The following LUZP2 variants were observed in gnomAD, a reference collection of about 807,000 sequenced individuals.
LUZP2 encodes leucine zipper protein 2.
A neutral mutation model predicts 51.6 loss-of-function variants in LUZP2; 52 were observed. That is an observed-to-expected ratio of 1.01 (90% CI 0.81 to 1.27). The LOEUF (loss-of-function observed/expected upper bound fraction) is 1.27, where lower values mean the gene tolerates loss of function less well. Among genes scored for constraint, LUZP2 ranks in the 50% most tolerant of loss-of-function variants. The probability of loss-of-function intolerance (pLI) is 0.00; values close to 1 mark genes in which losing one functional copy is unlikely to be tolerated. For synonymous variants in LUZP2, 154 were observed against 137.3 expected (o/e 1.12, Z -0.85); for missense variants, 436 against 395.4 (o/e 1.10, Z -0.87).
intron 5 of LUZP2, among the ~76,000 whole-genome samples, chr11:24,866,523 CA>C: frequency 1.7e-5 from 1 of 57,714 alleles, no homozygotes; most frequent in Admixed American, 1.9e-4. Context: ...ATACATAAAA[CA>C]ACACTTTTTT....
intron 5 of LUZP2, among the ~76,000 whole-genome samples, chr11:24,897,605 C>T (rs937453278): frequency 1.3e-5 from 2 of 152,134 alleles, no homozygotes; most frequent in African/African-American, 4.8e-5. Flanking sequence ...AAGGAAGAAA[C>T]TCTGACCATG....
At chr11:24,902,817 A>C (rs1853321262) in intron 5 of LUZP2, among the ~76,000 whole-genome samples, 1 of 152,302 alleles carries the variant, frequency 6.6e-6, no homozygotes, top group African/African-American at 2.4e-5. Flanking sequence ...TATATCATTC[A>C]GATCAACATT....
intron 5 of LUZP2, among the ~76,000 whole-genome samples, chr11:24,866,781 C>T (rs1330467929): frequency 6.6e-6 from 1 of 152,114 alleles, no homozygotes; most frequent in Non-Finnish European, 1.5e-5. Flanking sequence ...TTGTGCTAGA[C>T]TTTGCAGGAT....
intron 7 of LUZP2, among the ~76,000 whole-genome samples, chr11:24,925,720 T>A (rs549564860): frequency 1.3e-5 from 2 of 151,964 alleles, no homozygotes; most frequent in Non-Finnish European, 2.9e-5. Flanking sequence ...ATTTTTAAAA[T>A]TATTTTAATT....
intron 4 of LUZP2, among the ~76,000 whole-genome samples, chr11:24,761,153 AG>A (rs1222418099): frequency 6.6e-6 from 1 of 152,134 alleles, no homozygotes; most frequent in Non-Finnish European, 1.5e-5. Context: ...TAAAGAAAAA[AG>A]GTTTAATTGG....
rs545782941 is a variant in LUZP2 at position 24,945,562 on chromosome 11, C to T, written c.522+31024C>T. 1.7e-3 allele frequency among the ~76,000 whole-genome samples: 244 copies of T among 145,160 alleles called. 1 individual carries two copies. The highest frequency in any genetic ancestry group is 5.8e-3 in the African/African-American group (228 of 39,432). On this transcript the variant is annotated intron_variant, in intron 7 of 11. Transcript: ENST00000336930. Reference sequence around the variant, plus strand: ...TCCTACCTTTATCTTTCTTTATCATCTTATCATCTTTCCAGTGTTTATAGA... The same window carrying T: ...TCCTACCTTTATCTTTCTTTATCATTTTATCATCTTTCCAGTGTTTATAGA...
chr11:24,682,430 G>C (rs1165155786), intron 1 of LUZP2, among the ~76,000 whole-genome samples: 2 of 151,492 alleles, frequency 1.3e-5, no homozygotes, highest in Non-Finnish European at 2.9e-5. Context: ...GGGAGGCAAA[G>C]GTTGCAGTGA....
At chr11:24,558,786 T>C (rs1851946907) in intron 1 of LUZP2, among the ~76,000 whole-genome samples, 1 of 152,182 alleles carries the variant, frequency 6.6e-6, no homozygotes. Flanking sequence ...ATGAGGACAG[T>C]GTTTGTCACT....
chr11:24,544,718 A>G (rs1300760736), intron 1 of LUZP2, among the ~76,000 whole-genome samples: 2 of 151,998 alleles, frequency 1.3e-5, no homozygotes, highest in African/African-American at 4.8e-5. Flanking sequence ...TGTCTTTACT[A>G]TTGTGAAGAG....
chr11:24,633,563 A>G (rs1004319847), intron 1 of LUZP2, among the ~76,000 whole-genome samples: 8 of 152,042 alleles, frequency 5.3e-5, no homozygotes, highest in African/African-American at 1.9e-4. Flanking sequence ...TATCATTGCA[A>G]AGAAATTCTT....
chr11:24,877,854 G>A (rs1440794983), intron 5 of LUZP2, among the ~76,000 whole-genome samples: 7 of 152,030 alleles, frequency 4.6e-5, no homozygotes, highest in Admixed American at 2.6e-4. Context: ...ATGAGAACAC[G>A]TGATATTTGT....
intron 5 of LUZP2, among the ~76,000 whole-genome samples, chr11:24,796,384 G>A (rs577103757): frequency 5.9e-5 from 9 of 151,916 alleles, no homozygotes; most frequent in Non-Finnish European, 8.8e-5. Flanking sequence ...GAGGTGTAAC[G>A]TTATTATTAA....
At chr11:24,506,152 A>G (rs1346143158) in intron 1 of LUZP2, among the ~76,000 whole-genome samples, 1 of 152,152 alleles carries the variant, frequency 6.6e-6, no homozygotes. Context: ...AAGAGGGACT[A>G]GGATGGTAGA....
chr11:24,995,321 G>T (rs1856459787), intron 9 of LUZP2, among the ~76,000 whole-genome samples: 1 of 152,012 alleles, frequency 6.6e-6, no homozygotes, highest in African/African-American at 2.4e-5. Context: ...TCAGCAAGGG[G>T]GGCAGAGATT....
intron 9 of LUZP2, among the ~76,000 whole-genome samples, chr11:25,014,904 C>A (rs1007301578): frequency 3.3e-5 from 5 of 151,744 alleles, no homozygotes; most frequent in African/African-American, 9.7e-5. Context: ...TAAGTCTTTA[C>A]TCCATCTTGA....
chr11:24,919,981 G>A (rs962326496), intron 7 of LUZP2, among the ~76,000 whole-genome samples: 2 of 151,720 alleles, frequency 1.3e-5, no homozygotes, highest in Non-Finnish European at 3.0e-5. Context: ...ACACAACCAT[G>A]ACAAGTTGTG....
chr11:24,983,005 T>C, intron 8 of LUZP2, 121 bp from the exon 9 acceptor site: 1 of 900,402 alleles, frequency 1.1e-6, no homozygotes, highest in Non-Finnish European at 1.7e-6. Flanking sequence ...ATTAGGCAAT[T>C]ACATTTGAAA....
intron 1 of LUZP2, among the ~76,000 whole-genome samples, chr11:24,498,114 T>A (rs1849885181): frequency 6.6e-6 from 1 of 152,226 alleles, no homozygotes; most frequent in Non-Finnish European, 1.5e-5. Context: ...TTTGCTTTTT[T>A]CTTCCACAAG....
intron 5 of LUZP2, among the ~76,000 whole-genome samples, chr11:24,863,245 T>A (rs1299291100): frequency 2.0e-5 from 3 of 152,100 alleles, no homozygotes; most frequent in African/African-American, 7.2e-5. Context: ...TACCAAAACA[T>A]GTACATGAAT....
Sources: allele counts gnomAD v4.1 joint callset (sites outside exome capture counted in the v4.1 genomes callset), GRCh38; gene constraint gnomAD v4.1.1; transcripts MANE v1.5; gene names NCBI Gene and HGNC (gene_info 2026-07-23, HGNC 2026-07-21).